Variants in MAGI1 observed in about 807,000 individuals in gnomAD.
MAGI1 encodes membrane-associated guanylate kinase, WW and PDZ domain-containing protein 1.
MAGI1 carries 58 observed loss-of-function variants against 139.9 expected under a neutral mutation model. The observed-to-expected ratio is 0.41, with a 90% CI of 0.34 to 0.52. MAGI1 has a LOEUF of 0.52. Ranked by LOEUF, MAGI1 falls within the 20% of genes least tolerant of loss-of-function variation. The pLI is 0.12. For missense variants in MAGI1, 1,874 were observed against 1,901.6 expected, an observed-to-expected ratio of 0.99 and a Z score of 0.27; for synonymous variants, 812 against 737.9, an observed-to-expected ratio of 1.10 and a Z score of -1.63.
At chr3:65,793,870 T>C (rs2039949705) in intron 1 of MAGI1, among the ~76,000 whole-genome samples, 1 of 152,260 alleles carries the variant, frequency 6.6e-6, no homozygotes, top group African/African-American at 2.4e-5. Flanking sequence ...CTCAATTTTC[T>C]GCTATTTGAT....
chr3:65,946,095 C>T (rs1166184128), intron 1 of MAGI1, among the ~76,000 whole-genome samples: 4 of 152,214 alleles, frequency 2.6e-5, no homozygotes, highest in African/African-American at 7.2e-5. Context: ...CCCTAGGGTC[C>T]GCCTACAGCA....
At chr3:65,714,888 C>A (rs1311566524) in intron 1 of MAGI1, among the ~76,000 whole-genome samples, 1 of 152,100 alleles carries the variant, frequency 6.6e-6, no homozygotes, top group Non-Finnish European at 1.5e-5. Flanking sequence ...TTCCTCACTA[C>A]AGGAAAAATA....
intron 1 of MAGI1, among the ~76,000 whole-genome samples, chr3:65,865,072 G>A (rs2059675761): frequency 1.3e-5 from 2 of 152,034 alleles, no homozygotes; most frequent in African/African-American, 4.8e-5. Flanking sequence ...TTGTAGATAT[G>A]TACATCTGTA....
intron 1 of MAGI1, among the ~76,000 whole-genome samples, chr3:65,943,606 C>G (rs977924207): frequency 2.0e-5 from 3 of 151,852 alleles, no homozygotes; most frequent in Non-Finnish European, 4.4e-5. Flanking sequence ...AAACAATACC[C>G]TACTATATGT....
intron 6 of MAGI1, among the ~76,000 whole-genome samples, chr3:65,450,291 T>G (rs895217052): frequency 6.6e-6 from 1 of 152,114 alleles, no homozygotes; most frequent in Non-Finnish European, 1.5e-5. Context: ...AAAAGATTTC[T>G]CCGAGTACAA....
At chr3:65,750,864 C>A (rs1313199958) in intron 1 of MAGI1, among the ~76,000 whole-genome samples, 1 of 152,192 alleles carries the variant, frequency 6.6e-6, no homozygotes, top group Non-Finnish European at 1.5e-5. Context: ...CATAGTACTA[C>A]TTGAAATTTT....
Position 65,577,074 on chromosome 3 carries a change from T to C in MAGI1, c.430+44898A>G, listed in dbSNP as rs1052475301. Among the ~76,000 whole-genome samples the C allele has an allele frequency of 5.3e-5, 8 of 152,222 alleles. No individual in the cohort carries two copies. In the South Asian group the frequency reaches 1.0e-3, roughly 20 times the overall value. On this transcript the variant is annotated intron_variant, in intron 2 of 22. Transcript: ENST00000402939. Reference sequence around the variant, plus strand: ...CGATCCACATACACACTTAATACTCTATAATAACTCAGCTACTTGAAGACA... The same window carrying C: ...CGATCCACATACACACTTAATACTCCATAATAACTCAGCTACTTGAAGACA...
chr3:65,980,248 A>G (rs796372982), intron 1 of MAGI1, among the ~76,000 whole-genome samples: 30 of 152,288 alleles, frequency 2.0e-4, no homozygotes, highest in African/African-American at 6.7e-4. Flanking sequence ...TTTGAAATAT[A>G]GCACATAGGT....
At chr3:65,852,772 G>T (rs1464798558) in intron 1 of MAGI1, among the ~76,000 whole-genome samples, 1 of 151,900 alleles carries the variant, frequency 6.6e-6, no homozygotes, top group African/African-American at 2.4e-5. Context: ...CAAAGTACTT[G>T]GATTACAGGC....
chr3:65,539,153 A>G (rs1160094029), intron 2 of MAGI1, among the ~76,000 whole-genome samples: 2 of 152,192 alleles, frequency 1.3e-5, no homozygotes. Context: ...AACTACCGTC[A>G]AACAGGCACA....
intron 1 of MAGI1, among the ~76,000 whole-genome samples, chr3:65,670,238 T>C (rs1576666118): frequency 6.6e-6 from 1 of 152,146 alleles, no homozygotes; most frequent in Non-Finnish European, 1.5e-5. Context: ...AATCCATGTA[T>C]AGTTGTATCC....
intron 12 of MAGI1, among the ~76,000 whole-genome samples, chr3:65,413,231 A>T (rs1220844973): frequency 6.6e-6 from 1 of 152,168 alleles, no homozygotes; most frequent in Non-Finnish European, 1.5e-5. Flanking sequence ...AGGGGGGTAC[A>T]TTGTTTGGCA....
chr3:65,738,428 T>C (rs1485315934), intron 1 of MAGI1, among the ~76,000 whole-genome samples: 1 of 152,100 alleles, frequency 6.6e-6, no homozygotes, highest in African/African-American at 2.4e-5. Context: ...CCTCCAACCT[T>C]AGCCTCCCCA....
At chr3:65,665,245 T>C (rs6807028) in intron 1 of MAGI1, among the ~76,000 whole-genome samples, 47,775 of 152,080 alleles carry the variant, frequency 0.31, 9,037 homozygotes, top group East Asian at 0.63. Context: ...CTCTTAGCTG[T>C]GAATTCGGTG....
intron 3 of MAGI1, among the ~76,000 whole-genome samples, chr3:65,486,984 T>C (rs1575970011): frequency 6.6e-6 from 1 of 152,194 alleles, no homozygotes; most frequent in South Asian, 2.1e-4. Context: ...CAATAACCAA[T>C]ACATTAACAA....
At chr3:65,878,121 G>A (rs74454279) in intron 1 of MAGI1, among the ~76,000 whole-genome samples, 3,956 of 151,228 alleles carry the variant, frequency 0.026, 144 homozygotes, top group East Asian at 0.12. Context: ...AAAAAAAAAA[G>A]GAAAAAAAAC....
At chr3:66,023,379 G>A (rs2068064107) in intron 1 of MAGI1, among the ~76,000 whole-genome samples, 1 of 151,856 alleles carries the variant, frequency 6.6e-6, no homozygotes, top group Non-Finnish European at 1.5e-5. Flanking sequence ...TTGGCTCCTT[G>A]ATAGAAAAAA....
At chr3:65,515,461 A>G (rs1020650080) in intron 2 of MAGI1, among the ~76,000 whole-genome samples, 1 of 152,242 alleles carries the variant, frequency 6.6e-6, no homozygotes, top group African/African-American at 2.4e-5. Flanking sequence ...ATGAATACTA[A>G]CTAATGTCAA....
At chr3:65,616,177 T>C (rs1030650376) in intron 2 of MAGI1, among the ~76,000 whole-genome samples, 3 of 151,080 alleles carry the variant, frequency 2.0e-5, no homozygotes, top group African/African-American at 7.3e-5. Context: ...GGAAGCCCAC[T>C]AGCAAACCGA....
Sources: allele counts gnomAD v4.1 joint callset (sites outside exome capture counted in the v4.1 genomes callset), GRCh38; gene constraint gnomAD v4.1.1; transcripts MANE v1.5; gene names NCBI Gene and HGNC (gene_info 2026-07-23, HGNC 2026-07-21).